L3MBTL4: variants seen among roughly 807,000 people sequenced by gnomAD.
The protein encoded by L3MBTL4 is lethal(3)malignant brain tumor-like protein 4.
In L3MBTL4, 70 loss-of-function variants were observed where a neutral mutation model predicts 84.5. The ratio of observed to expected loss-of-function variants is 0.83; its 90% CI spans 0.68 to 1.01. The LOEUF (loss-of-function observed/expected upper bound fraction) is 1.01, where lower values mean the gene tolerates loss of function less well. Among genes scored for constraint, L3MBTL4 ranks in the 50% least tolerant of loss-of-function variants. The probability of loss-of-function intolerance (pLI) is 0.00; values close to 1 mark genes in which losing one functional copy is unlikely to be tolerated. For missense variants in L3MBTL4, 715 were observed against 754.8 expected, an observed-to-expected ratio of 0.95 and a Z score of 0.62; for synonymous variants, 274 against 259.8, an observed-to-expected ratio of 1.05 and a Z score of -0.52.
At chr18:6,256,235 C>T (rs1173626432) in intron 5 of L3MBTL4, among the ~76,000 whole-genome samples, 1 of 152,148 alleles carries the variant, frequency 6.6e-6, no homozygotes, top group Non-Finnish European at 1.5e-5. Flanking sequence ...CTTTCAGATT[C>T]TATTTAATGT....
At chr18:6,050,621 T>A (rs1346191241) in intron 16 of L3MBTL4, among the ~76,000 whole-genome samples, 2 of 152,210 alleles carry the variant, frequency 1.3e-5, no homozygotes, top group Admixed American at 1.3e-4. Flanking sequence ...CTGATGCCAG[T>A]GTGCTCTCAT....
chr18:6,331,064 A>AT (rs1761696699), intron 1 of L3MBTL4, among the ~76,000 whole-genome samples: 1 of 152,234 alleles, frequency 6.6e-6, no homozygotes, highest in African/African-American at 2.4e-5. Flanking sequence ...GTTCTGGATT[A>AT]TTAAAAAACA....
chr18:5,987,852 C>T (rs2053533534), intron 16 of L3MBTL4, among the ~76,000 whole-genome samples: 1 of 151,506 alleles, frequency 6.6e-6, no homozygotes, highest in African/African-American at 2.4e-5. Context: ...TGCTTGCTGT[C>T]TTTGCATGTA....
intron 13 of L3MBTL4, among the ~76,000 whole-genome samples, chr18:6,146,578 G>A (rs2042663345): frequency 6.6e-6 from 1 of 152,208 alleles, no homozygotes; most frequent in South Asian, 2.1e-4. Context: ...AAAGGTGTGA[G>A]CAAGCCTGAT....
intron 1 of L3MBTL4, among the ~76,000 whole-genome samples, chr18:6,385,464 T>G (rs547112073): frequency 1.1e-3 from 171 of 152,144 alleles, no homozygotes; most frequent in African/African-American, 3.9e-3. Flanking sequence ...AGGTAAAGAT[T>G]CCCAACAGTC....
intron 12 of L3MBTL4, among the ~76,000 whole-genome samples, chr18:6,201,810 A>G (rs2045660427): frequency 6.6e-6 from 1 of 152,186 alleles, no homozygotes; most frequent in Admixed American, 6.5e-5. Flanking sequence ...ATATGTACAA[A>G]TATTGCATAA....
intron 17 of L3MBTL4, among the ~76,000 whole-genome samples, chr18:5,966,931 C>A (rs1465202373): frequency 6.6e-6 from 1 of 152,122 alleles, no homozygotes; most frequent in Non-Finnish European, 1.5e-5. Context: ...ACTGCCTGTG[C>A]CTTTGAAATG....
chr18:5,967,907 T>C (rs946269796), intron 17 of L3MBTL4, among the ~76,000 whole-genome samples: 6 of 152,196 alleles, frequency 3.9e-5, no homozygotes, highest in Non-Finnish European at 8.8e-5. Flanking sequence ...CCAGGGATTG[T>C]TGTAAGCTGG....
intron 17 of L3MBTL4, among the ~76,000 whole-genome samples, chr18:5,962,245 G>T (rs2095267153): frequency 6.6e-6 from 1 of 152,126 alleles, no homozygotes; most frequent in South Asian, 2.1e-4. Context: ...CTTCAGGAAG[G>T]TCATCAGGAA....
chr18:6,221,383 A>C (rs1433859171), intron 10 of L3MBTL4, among the ~76,000 whole-genome samples: 8 of 152,194 alleles, frequency 5.3e-5, no homozygotes, highest in Non-Finnish European at 1.2e-4. Context: ...AGGGTCTATC[A>C]CAATAGACAA....
At position 6,031,473 on chromosome 18, in the gene L3MBTL4, A is replaced by G. The variant is rs534627302; in HGVS notation, c.1444+49408T>C. 4 of 985,420 alleles carry G rather than the reference A, an allele frequency of 4.1e-6. No individual in the cohort carries two copies. The East Asian group carries it at 3.4e-4, about 84-fold the overall frequency. 61.0% of individuals were successfully genotyped at this position (985,420 alleles called of 1,614,324 possible). ...TCTTTGCCTCTTGAGAAATTCAGGGACCATCAGCATCTCATTTTTTTAAGT... is the reference window on the plus strand; with the variant it reads ...TCTTTGCCTCTTGAGAAATTCAGGGGCCATCAGCATCTCATTTTTTTAAGT... On this transcript the variant is annotated intron_variant, in intron 16 of 18. Coordinates refer to ENST00000317931, the MANE Select transcript of L3MBTL4 (RefSeq NM_001330559.2).
intron 10 of L3MBTL4, among the ~76,000 whole-genome samples, 169 bp downstream of exon 10, chr18:6,237,795 G>T (rs1177056806): frequency 1.3e-5 from 2 of 151,978 alleles, no homozygotes. Context: ...CTTCATTATG[G>T]GTAAGGAAAT....
intron 16 of L3MBTL4, among the ~76,000 whole-genome samples, chr18:6,044,979 C>T (rs999059798): frequency 2.0e-5 from 3 of 152,218 alleles, no homozygotes; most frequent in African/African-American, 7.2e-5. Context: ...TGGTGGACAA[C>T]AGTTCTAGCT....
In L3MBTL4 at chr18:6,121,518, T is replaced by A. The variant is rs377463407; in HGVS notation, c.1199+16676A>T. On this transcript the variant is annotated intron_variant, in intron 14 of 18. Coordinates refer to ENST00000317931, the MANE Select transcript of L3MBTL4 (RefSeq NM_001330559.2). ...CATCATGCCCAGCTTAATATTTTCA[T>A]AACTAAAGCTTTTATTCCAGATTGC... Among the ~76,000 whole-genome samples, 11 of 152,362 alleles carry A rather than the reference T, an allele frequency of 7.2e-5. No homozygotes were observed. The East Asian group carries it at 1.3e-3, about 19-fold the overall frequency.
intron 16 of L3MBTL4, among the ~76,000 whole-genome samples, chr18:5,990,770 GGTGTGT>G (rs34551806): frequency 1.7e-4 from 24 of 142,352 alleles, no homozygotes; most frequent in South Asian, 6.8e-4. Context: ...GGTTCATGTG[GGTGTGT>G]GTGTGTGTGT....
At chr18:6,405,438 G>A (rs11661286) in intron 1 of L3MBTL4, among the ~76,000 whole-genome samples, 23,941 of 152,272 alleles carry the variant, frequency 0.16, 1,911 homozygotes, top group African/African-American at 0.17. Flanking sequence ...ACCATCTGTG[G>A]TGCAGAACAA....
intron 16 of L3MBTL4, among the ~76,000 whole-genome samples, chr18:6,069,092 C>A (rs1568061916): frequency 6.6e-6 from 1 of 152,230 alleles, no homozygotes. Context: ...TACACCAGCA[C>A]CATCTTTGAT....
At chr18:6,036,500 T>G (rs1313280872) in intron 16 of L3MBTL4, among the ~76,000 whole-genome samples, 1 of 152,198 alleles carries the variant, frequency 6.6e-6, no homozygotes, top group Non-Finnish European at 1.5e-5. Flanking sequence ...ATATTTCCAT[T>G]TTGTTAATAC....
intron 1 of L3MBTL4, among the ~76,000 whole-genome samples, chr18:6,398,744 G>C (rs979715884): frequency 2.0e-5 from 3 of 150,182 alleles, no homozygotes; most frequent in African/African-American, 7.4e-5. Flanking sequence ...ACTTCATTGC[G>C]GGGGGGCGGG....
Sources: allele counts gnomAD v4.1 joint callset (sites outside exome capture counted in the v4.1 genomes callset), GRCh38; gene constraint gnomAD v4.1.1; transcripts MANE v1.5; gene names NCBI Gene and HGNC (gene_info 2026-07-23, HGNC 2026-07-21).